GUCY1A1: variants seen among roughly 807,000 people sequenced by gnomAD.
GUCY1A1 encodes guanylate cyclase 1 soluble subunit alpha 1, also known as guanylate cyclase soluble subunit alpha-1.
GUCY1A1 carries 48 observed loss-of-function variants against 64.5 expected under a neutral mutation model. The observed-to-expected ratio is 0.74, with a 90% confidence interval of 0.59 to 0.95. The LOEUF (loss-of-function observed/expected upper bound fraction) is 0.95. Among genes scored for constraint, GUCY1A1 ranks in the 40% least tolerant of loss-of-function variants. The probability of loss-of-function intolerance (pLI) is 0.00; values close to 1 mark genes in which losing one functional copy is unlikely to be tolerated. For synonymous variants in GUCY1A1, 308 were observed against 303.4 expected (o/e 1.02, Z -0.16); for missense variants, 804 against 825.3 (o/e 0.97, Z 0.32).
intron 7 of GUCY1A1, among the ~76,000 whole-genome samples, chr4:155,715,017 A>C (rs1011430013): frequency 3.9e-5 from 6 of 152,150 alleles, no homozygotes; most frequent in Non-Finnish European, 8.8e-5. Flanking sequence ...TATTTCTATC[A>C]AGGATATAGG....
At chr4:155,708,534 C>T (rs1360625538) in intron 5 of GUCY1A1, among the ~76,000 whole-genome samples, 1 of 152,132 alleles carries the variant, frequency 6.6e-6, no homozygotes, top group Non-Finnish European at 1.5e-5. Context: ...GAAGCTGTCT[C>T]ACAGATATTC....
intron 2 of GUCY1A1, among the ~76,000 whole-genome samples, chr4:155,691,384 C>T (rs1340780391): frequency 1.3e-5 from 2 of 152,150 alleles, no homozygotes; most frequent in Non-Finnish European, 2.9e-5. Flanking sequence ...ACATTTCCTA[C>T]TACAAAGTGA....
chr4:155,702,557 C>A (rs1000984351), intron 3 of GUCY1A1, among the ~76,000 whole-genome samples: 3 of 152,190 alleles, frequency 2.0e-5, no homozygotes, highest in Non-Finnish European at 4.4e-5. Flanking sequence ...CCAAGCCCGA[C>A]TCAGAATCTG....
chr4:155,709,946 G>A (rs1230536786), intron 5 of GUCY1A1, among the ~76,000 whole-genome samples: 5 of 152,126 alleles, frequency 3.3e-5, no homozygotes, highest in African/African-American at 1.2e-4. Context: ...ACATACAGAG[G>A]CTTATTTCTA....
At chr4:155,704,744 G>T (rs1033578729) in intron 4 of GUCY1A1, among the ~76,000 whole-genome samples, 3 of 151,600 alleles carry the variant, frequency 2.0e-5, no homozygotes, top group Non-Finnish European at 2.9e-5. Flanking sequence ...TAGAAACAGG[G>T]TCTCACTCTG....
At chr4:155,728,382 C>T (rs182171513) in intron 9 of GUCY1A1, among the ~76,000 whole-genome samples, 1 of 151,842 alleles carries the variant, frequency 6.6e-6, no homozygotes, top group Admixed American at 6.6e-5. Context: ...CCAGTATGAA[C>T]CAGATCTAGC....
At chr4:155,676,185 A>G (rs1321232810) in intron 2 of GUCY1A1, among the ~76,000 whole-genome samples, 4 of 151,336 alleles carry the variant, frequency 2.6e-5, no homozygotes, top group South Asian at 2.1e-4. Flanking sequence ...AAGGCTCAGT[A>G]TGTGGGACAT....
intron 9 of GUCY1A1, chr4:155,722,573 C>A: frequency 2.8e-6 from 1 of 351,724 alleles, no homozygotes; most frequent in Non-Finnish European, 4.0e-6. Context: ...AGTTACAGGG[C>A]ACAGAACCCA....
At chr4:155,706,522 CT>C (rs755000140) in intron 4 of GUCY1A1, among the ~76,000 whole-genome samples, 95 of 145,364 alleles carry the variant, frequency 6.5e-4, no homozygotes, top group East Asian at 9.9e-4. Flanking sequence ...CCCCCCTCCT[CT>C]TTTTTTTTTT....
At chr4:155,690,400 C>T (rs1246214992) in intron 2 of GUCY1A1, among the ~76,000 whole-genome samples, 1 of 152,184 alleles carries the variant, frequency 6.6e-6, no homozygotes, top group Non-Finnish European at 1.5e-5. Flanking sequence ...CCTACTCTGA[C>T]CCATTTTTCA....
chr4:155,696,090 A>C (rs1175339637), intron 2 of GUCY1A1, among the ~76,000 whole-genome samples: 4 of 152,018 alleles, frequency 2.6e-5, no homozygotes, highest in Non-Finnish European at 5.9e-5. Flanking sequence ...ACCCCTGCAA[A>C]TCCCATGGTA....
intron 3 of GUCY1A1, among the ~76,000 whole-genome samples, chr4:155,702,567 GC>G (rs1560939806): frequency 6.6e-6 from 1 of 152,152 alleles, no homozygotes; most frequent in Admixed American, 6.6e-5. Flanking sequence ...CTCAGAATCT[GC>G]CCTCTGGGTG....
intron 9 of GUCY1A1, chr4:155,722,580 C>A: frequency 6.8e-6 from 2 of 292,698 alleles, no homozygotes; most frequent in Non-Finnish European, 1.0e-5. Context: ...GGGCACAGAA[C>A]CCAACAAGCC....
Position 155,708,263 on chromosome 4 carries a change from A to T in GUCY1A1, c.345A>T (p.Glu115Asp), listed in dbSNP as rs367718051. 378 of 1,555,990 alleles carry T rather than the reference A, an allele frequency of 2.4e-4. 7 individuals are homozygous for T. In the South Asian group the frequency reaches 2.8e-3, roughly 12 times the overall value. The change falls in exon 5 of 10, where the codon GAA becomes GAT. Residue 115 changes from glutamate (E) to aspartate (D), a missense_variant. Transcript: ENST00000506455. ...AATCTTTGGAAAGAGAAGACTTTGA[A>T]AAAACAATTGCAGAGCAAGCAGTTG... The part of the protein sequence containing the change: ...SRKSLEREDF[E>D]KTIAEQAVAA...
chr4:155,728,576 G>A (rs1484971933), intron 9 of GUCY1A1, among the ~76,000 whole-genome samples: 1 of 151,790 alleles, frequency 6.6e-6, no homozygotes, highest in African/African-American at 2.4e-5. Flanking sequence ...CCAGACCATA[G>A]GCTATACCCA....
chr4:155,717,849 G>A (rs1050855403), intron 8 of GUCY1A1, among the ~76,000 whole-genome samples: 3 of 152,168 alleles, frequency 2.0e-5, no homozygotes, highest in African/African-American at 7.2e-5. Context: ...TTATAGTGGA[G>A]ATTGTGCCTG....
At chr4:155,724,468 C>T (rs1444801722) in intron 9 of GUCY1A1, among the ~76,000 whole-genome samples, 1 of 152,052 alleles carries the variant, frequency 6.6e-6, no homozygotes, top group African/African-American at 2.4e-5. Context: ...TCAGTGTTTA[C>T]TCCACTCAAA....
At chr4:155,726,748 T>C (rs1734736597) in intron 9 of GUCY1A1, among the ~76,000 whole-genome samples, 1 of 151,938 alleles carries the variant, frequency 6.6e-6, no homozygotes, top group Non-Finnish European at 1.5e-5. Context: ...TGTCAGGAGT[T>C]TTACTTTAAT....
Position 155,733,372 on chromosome 4 carries a change from G to T in GUCY1A1, c.*3141G>T, listed in dbSNP as rs1401214298. Among the ~76,000 whole-genome samples the T allele has an allele frequency of 1.3e-5, 2 of 151,666 alleles. No individual in the cohort carries two copies. Among genetic ancestry groups the T allele is most frequent in the Non-Finnish European group, 2.9e-5 (2 of 67,862 alleles). ...CACACAAAGAGATGGGGTCTTGAGG[G>T]TGCATAGTACATTCTGGACAGCCAG... On this transcript the variant is annotated 3_prime_UTR_variant, in exon 10 of 10. Coordinates refer to ENST00000506455, the MANE Select transcript of GUCY1A1 (RefSeq NM_001130682.3).
Sources: allele counts gnomAD v4.1 joint callset (sites outside exome capture counted in the v4.1 genomes callset), GRCh38; gene constraint gnomAD v4.1.1; transcripts MANE v1.5; gene names NCBI Gene and HGNC (gene_info 2026-07-23, HGNC 2026-07-21).